Variants in RASEF observed in about 807,000 individuals in gnomAD.
RASEF encodes the protein ras and EF-hand domain-containing protein.
Under a neutral mutation model 90.1 loss-of-function variants are expected in RASEF, and 68 were observed. That is an observed-to-expected ratio of 0.75 (90% CI 0.62 to 0.92). RASEF has a LOEUF of 0.92. RASEF is among the 40% of genes least tolerant of loss of function. The pLI is 0.00. For synonymous variants in RASEF, 331 were observed against 345.2 expected, an observed-to-expected ratio of 0.96 and a Z score of 0.46; for missense variants, 949 against 937.2, an observed-to-expected ratio of 1.01 and a Z score of -0.16.
At chr9:83,000,361 T>C (rs1350134043) in intron 11 of RASEF, 45 bp from the exon 12 acceptor site, 35 of 1,611,404 alleles carry the variant, frequency 2.2e-5, no homozygotes, top group Non-Finnish European at 3.0e-5. Context: ...TTGCCAGTTT[T>C]CATCCTAATA....
intron 14 of RASEF, among the ~76,000 whole-genome samples, chr9:82,993,529 A>C (rs956297194): frequency 8.5e-5 from 13 of 152,262 alleles, no homozygotes; most frequent in Admixed American, 3.3e-4. Flanking sequence ...TCATTATTAC[A>C]GTTATAAAAC....
chr9:83,096,313 A>T, the RASEF span, among the ~76,000 whole-genome samples: 4 of 152,290 alleles, frequency 2.6e-5, 1 homozygote, highest in African/African-American at 9.6e-5. Flanking sequence ...ATTTTCACAG[A>T]GTTTTATGAT....
the RASEF span, among the ~76,000 whole-genome samples, chr9:83,134,964 T>C: frequency 3.3e-5 from 5 of 152,260 alleles, no homozygotes; most frequent in South Asian, 4.2e-4. Context: ...GAAAACCTTA[T>C]GCTAAGTGAA....
At chr9:82,998,906 C>G (rs1428320855) in intron 12 of RASEF, among the ~76,000 whole-genome samples, 1 of 152,054 alleles carries the variant, frequency 6.6e-6, no homozygotes, top group Non-Finnish European at 1.5e-5. Flanking sequence ...GTATGTATAT[C>G]TAAACATGTA....
chr9:82,998,492 T>C lies in RASEF; in HGVS notation c.1724-46A>G, dbSNP rs757336565. ...GGAGAGCACGATGTAAATAATTCCA[T>C]TGGCTTTTTACTTTCAAGCCTTCTT... is the stretch of plus-strand genomic sequence containing the variant. On this transcript the variant is annotated intron_variant, in intron 12 of 16. Coordinates refer to ENST00000376447, the MANE Select transcript of RASEF (RefSeq NM_152573.4). 7.9e-6 allele frequency: 10 copies of C among 1,258,084 alleles called. No homozygotes were observed. The South Asian group carries it at 8.4e-5, about 11-fold the overall frequency. 77.9% of individuals were successfully genotyped at this position (1,258,084 alleles called of 1,614,324 possible).
intron 1 of RASEF, among the ~76,000 whole-genome samples, chr9:83,061,710 G>A (rs1465632640): frequency 6.6e-6 from 1 of 152,164 alleles, no homozygotes; most frequent in Non-Finnish European, 1.5e-5. Flanking sequence ...TTCTGTCAGA[G>A]CAGTAAGAGC....
chr9:83,162,025 C>T, the RASEF span, among the ~76,000 whole-genome samples: 38 of 152,030 alleles, frequency 2.5e-4, no homozygotes, highest in African/African-American at 8.9e-4. Flanking sequence ...TTATCAACAG[C>T]ATGGAAATGG....
chr9:83,161,683 A>T, the RASEF span, among the ~76,000 whole-genome samples: 58 of 30,158 alleles, frequency 1.9e-3, no homozygotes, highest in Admixed American at 4.3e-3. Flanking sequence ...GGGAGGGGAC[A>T]GGGGCCAAAT....
At chr9:83,179,807 T>TACACACACACAC in the RASEF span, among the ~76,000 whole-genome samples, 1 of 151,770 alleles carries the variant, frequency 6.6e-6, no homozygotes. Flanking sequence ...CACACACACA[T>TACACACACACAC]ACACACACAC....
the RASEF span, among the ~76,000 whole-genome samples, chr9:83,119,096 C>T: frequency 2.0e-5 from 3 of 148,562 alleles, no homozygotes; most frequent in African/African-American, 5.0e-5. Context: ...CAATCTCCAC[C>T]TCCCAGGTTC....
chr9:83,019,001 T>C (rs1052654594), intron 3 of RASEF, among the ~76,000 whole-genome samples: 1 of 152,028 alleles, frequency 6.6e-6, no homozygotes, highest in Non-Finnish European at 1.5e-5. Context: ...TGGCACCAAA[T>C]ACAAAATGGA....
the RASEF span, among the ~76,000 whole-genome samples, chr9:83,207,803 T>C: frequency 1.3e-5 from 2 of 152,128 alleles, no homozygotes; most frequent in Admixed American, 6.5e-5. Flanking sequence ...AGATGGGATT[T>C]CGCCATGTTG....
chr9:83,021,144 G>A (rs1462039268), intron 3 of RASEF, among the ~76,000 whole-genome samples: 1 of 152,164 alleles, frequency 6.6e-6, no homozygotes, highest in Non-Finnish European at 1.5e-5. Flanking sequence ...AACAACCAGG[G>A]TGCAGCCACT....
the RASEF span, among the ~76,000 whole-genome samples, chr9:83,180,156 G>T: frequency 7.9e-5 from 12 of 152,084 alleles, no homozygotes; most frequent in Non-Finnish European, 1.5e-4. Context: ...TTAAGAAAAT[G>T]GTTTAAGCCA....
At chr9:83,011,152 C>A (rs1829235689) in intron 5 of RASEF, among the ~76,000 whole-genome samples, 1 of 152,114 alleles carries the variant, frequency 6.6e-6, no homozygotes, top group Non-Finnish European at 1.5e-5. Flanking sequence ...GAAACCCTCT[C>A]CTCCCAAAAA....
At chr9:83,032,037 T>C (rs569479922) in intron 1 of RASEF, among the ~76,000 whole-genome samples, 76 of 152,276 alleles carry the variant, frequency 5.0e-4, no homozygotes, top group African/African-American at 1.7e-3. Context: ...AGATAGTACC[T>C]GGTCCCTCTA....
Position 82,981,061 on chromosome 9 carries a change from G to C in RASEF, c.*1616C>G, listed in dbSNP as rs545732794. On this transcript the variant is annotated 3_prime_UTR_variant, in exon 17 of 17. Transcript: ENST00000376447. Reference sequence around the variant, plus strand: ...GGTTCTATCACAAACACCGTGAACAGAAAAAAGATTGCTACATGGAATTGT... The same window carrying C: ...GGTTCTATCACAAACACCGTGAACACAAAAAAGATTGCTACATGGAATTGT... 30 of 152,254 alleles carry C rather than the reference G, an allele frequency of 2.0e-4. No homozygotes were observed. The South Asian group carries it at 6.2e-3, about 32-fold the overall frequency. 9.4% of individuals were successfully genotyped at this position (152,254 alleles called of 1,614,324 possible).
the RASEF span, among the ~76,000 whole-genome samples, chr9:83,084,551 T>C: frequency 6.6e-6 from 1 of 152,200 alleles, no homozygotes. Flanking sequence ...TTCAAAGGAT[T>C]GTGGGGGCGA....
At chr9:83,017,726 C>T (rs77689798) in intron 3 of RASEF, among the ~76,000 whole-genome samples, 2,006 of 152,252 alleles carry the variant, frequency 0.013, 44 homozygotes, top group African/African-American at 0.045. Context: ...ATTTGCCTGA[C>T]GCCAAAATAA....
Sources: gnomAD v4.1 joint callset for allele counts (sites outside exome capture counted in the v4.1 genomes callset) on GRCh38, gnomAD v4.1.1 for gene constraint, MANE v1.5 for transcripts, NCBI Gene and HGNC (gene_info 2026-07-23, HGNC 2026-07-21) for gene names.